SNTG1: variants seen among roughly 807,000 people sequenced by gnomAD.
SNTG1 encodes the protein gamma-1-syntrophin.
A neutral mutation model predicts 74.7 loss-of-function variants in SNTG1; 39 were observed. The observed-to-expected ratio is 0.52, with a 90% CI of 0.40 to 0.68. The LOEUF is 0.68. SNTG1 is among the 30% of genes least tolerant of loss of function. SNTG1 has a pLI of 0.00. For missense variants in SNTG1, 685 were observed against 609.5 expected (o/e 1.12, Z -1.30); for synonymous variants, 254 against 217.1 (o/e 1.17, Z -1.49).
At chr8:50,503,447 C>T (rs1038085081) in intron 9 of SNTG1, among the ~76,000 whole-genome samples, 1 of 152,074 alleles carries the variant, frequency 6.6e-6, no homozygotes, top group African/African-American at 2.4e-5. Context: ...CAATAAAATA[C>T]AAAGATCTTG....
intron 1 of SNTG1, among the ~76,000 whole-genome samples, chr8:50,089,848 G>A (rs2079650110): frequency 6.6e-6 from 1 of 152,136 alleles, no homozygotes; most frequent in African/African-American, 2.4e-5. Context: ...AGTCAGTGTG[G>A]CGATTCCTCA....
At chr8:50,460,798 C>A (rs1031000137) in intron 8 of SNTG1, among the ~76,000 whole-genome samples, 12 of 151,994 alleles carry the variant, frequency 7.9e-5, no homozygotes, top group Admixed American at 6.6e-4. Context: ...TGGCTGTGGG[C>A]ATATGGTTTT....
At chr8:49,988,958 T>C (rs932031336) in intron 1 of SNTG1, among the ~76,000 whole-genome samples, 3 of 151,998 alleles carry the variant, frequency 2.0e-5, no homozygotes, top group Admixed American at 1.3e-4. Context: ...GAAAGAGTTA[T>C]TGGAATGTTT....
intron 8 of SNTG1, among the ~76,000 whole-genome samples, chr8:50,451,110 C>T (rs892099300): frequency 6.6e-6 from 1 of 152,092 alleles, no homozygotes; most frequent in Non-Finnish European, 1.5e-5. Flanking sequence ...AGTCATCCCT[C>T]CCTATTCATG....
intron 2 of SNTG1, among the ~76,000 whole-genome samples, chr8:50,327,518 T>G (rs2090796669): frequency 6.6e-6 from 1 of 152,184 alleles, no homozygotes; most frequent in Non-Finnish European, 1.5e-5. Context: ...TATGTCTTTC[T>G]GTATCCTCTT....
At chr8:50,195,705 C>T (rs918111176) in intron 2 of SNTG1, among the ~76,000 whole-genome samples, 11 of 152,170 alleles carry the variant, frequency 7.2e-5, no homozygotes, top group African/African-American at 2.4e-4. Flanking sequence ...GCAAACAGAC[C>T]TTCAGCTTTT....
chr8:50,223,726 G>A (rs2085183272), intron 2 of SNTG1, among the ~76,000 whole-genome samples: 1 of 152,056 alleles, frequency 6.6e-6, no homozygotes, highest in South Asian at 2.1e-4. Flanking sequence ...AATCAATAAA[G>A]TGCATTTTCA....
chr8:49,947,894 G>T (rs1055621215), intron 1 of SNTG1, among the ~76,000 whole-genome samples: 1 of 152,144 alleles, frequency 6.6e-6, no homozygotes, highest in Non-Finnish European at 1.5e-5. Flanking sequence ...ACTTTGGGAG[G>T]CCGAGGTTGG....
At chr8:50,630,503 T>C (rs1032804346) in intron 13 of SNTG1, among the ~76,000 whole-genome samples, 2 of 152,184 alleles carry the variant, frequency 1.3e-5, no homozygotes, top group Non-Finnish European at 2.9e-5. Context: ...ACTTTGTCTT[T>C]TAATTGCTTC....
intron 1 of SNTG1, among the ~76,000 whole-genome samples, chr8:50,073,868 A>C (rs112110863): frequency 3.3e-5 from 5 of 150,866 alleles, no homozygotes; most frequent in African/African-American, 1.2e-4. Flanking sequence ...GTGGGCTTAA[A>C]ATATTTAGTG....
intron 15 of SNTG1, among the ~76,000 whole-genome samples, chr8:50,694,856 G>A (rs1404991890): frequency 1.3e-5 from 2 of 149,200 alleles, no homozygotes; most frequent in Admixed American, 6.7e-5. Flanking sequence ...AAAACACAAA[G>A]CATTTGACAA....
chr8:50,738,912 T>C (rs1358054889), intron 17 of SNTG1, among the ~76,000 whole-genome samples: 2 of 151,704 alleles, frequency 1.3e-5, no homozygotes, highest in Admixed American at 6.6e-5. Flanking sequence ...AAAAATTAAC[T>C]CAAGATGGAT....
chr8:50,343,523 A>G (rs1012538496), intron 2 of SNTG1, among the ~76,000 whole-genome samples: 1 of 152,214 alleles, frequency 6.6e-6, no homozygotes, highest in African/African-American at 2.4e-5. Context: ...CAAACAAAAC[A>G]AAGCCAAGCA....
rs947604496 is a variant in SNTG1, at chr8:50,777,557, T to G, written c.1396-15114T>G. 3.3e-5 allele frequency among the ~76,000 whole-genome samples: 5 copies of G among 151,784 alleles called. No individual in the cohort carries two copies. The South Asian group carries it at 8.3e-4, about 25-fold the overall frequency. ...TCTAAGCATGGTGATAATTGCTTAT[T>G]GGAACAATTTTGTTGTGACTACTTT... On this transcript the variant is annotated intron_variant, in intron 18 of 18. Coordinates refer to ENST00000642720, the MANE Select transcript of SNTG1 (RefSeq NM_018967.5).
intron 2 of SNTG1, among the ~76,000 whole-genome samples, chr8:50,349,665 A>C (rs2130990036): frequency 6.6e-6 from 1 of 152,238 alleles, no homozygotes; most frequent in African/African-American, 2.4e-5. Flanking sequence ...TGTATGCTTG[A>C]GTTTTGGAAA....
At chr8:50,340,940 G>C (rs992616254) in intron 2 of SNTG1, among the ~76,000 whole-genome samples, 13 of 151,828 alleles carry the variant, frequency 8.6e-5, no homozygotes, top group Non-Finnish European at 1.5e-4. Context: ...TGCTTCACTT[G>C]TTCACACACA....
At chr8:50,238,555 G>T (rs1476943372) in intron 2 of SNTG1, among the ~76,000 whole-genome samples, 1 of 151,958 alleles carries the variant, frequency 6.6e-6, no homozygotes, top group Non-Finnish European at 1.5e-5. Flanking sequence ...GAAGACCTAG[G>T]ATATATCATT....
At chr8:50,476,449 C>G (rs142977405) in intron 8 of SNTG1, among the ~76,000 whole-genome samples, 9 of 152,202 alleles carry the variant, frequency 5.9e-5, no homozygotes, top group Non-Finnish European at 1.0e-4. Flanking sequence ...AACTGCTACA[C>G]ATGTACACTG....
intron 12 of SNTG1, among the ~76,000 whole-genome samples, chr8:50,588,859 C>T (rs576324385): frequency 1.7e-4 from 25 of 151,286 alleles, no homozygotes; most frequent in African/African-American, 2.9e-4. Context: ...TTATTGTATT[C>T]GCCACATTAC....
Sources: gnomAD v4.1 joint callset for allele counts (sites outside exome capture counted in the v4.1 genomes callset) on GRCh38, gnomAD v4.1.1 for gene constraint, MANE v1.5 for transcripts, NCBI Gene and HGNC (gene_info 2026-07-23, HGNC 2026-07-21) for gene names.